Variants in PDE9A observed in about 807,000 individuals in gnomAD.
PDE9A encodes the protein phosphodiesterase 9A.
A neutral mutation model predicts 87.4 loss-of-function variants in PDE9A; 60 were observed. The observed-to-expected ratio is 0.69, with a 90% CI of 0.56 to 0.85. The LOEUF is 0.85. PDE9A is among the 40% of genes least tolerant of loss of function. PDE9A has a pLI of 0.00. For missense variants in PDE9A, 665 were observed against 779.0 expected (o/e 0.85, Z 1.74); for synonymous variants, 272 against 279.4 (o/e 0.97, Z 0.27).
At position 42,702,554 on chromosome 21, in the gene PDE9A, C is replaced by T. The variant is rs901008952; in HGVS notation, c.262+3543C>T. 5.3e-5 allele frequency among the ~76,000 whole-genome samples: 8 copies of T among 152,152 alleles called. No homozygotes were observed. Among genetic ancestry groups the T allele is most frequent in the African/African-American group, 9.7e-5 (4 of 41,428 alleles). Reference sequence around the variant, plus strand: ...ATGGAATGCTGATCACAGGAATGCACGCTGGTTCATCATCTGGTTTTGTTT... The same window carrying T: ...ATGGAATGCTGATCACAGGAATGCATGCTGGTTCATCATCTGGTTTTGTTT... On this transcript the variant is annotated intron_variant, in intron 4 of 19. Transcript: ENST00000291539. The surrounding 1 kb of genome is among the most constrained non-coding windows in gnomAD (Gnocchi z 4.9).
At chr21:42,756,478 T>C (rs1320093308) in intron 10 of PDE9A, among the ~76,000 whole-genome samples, 5 of 152,224 alleles carry the variant, frequency 3.3e-5, no homozygotes, top group Admixed American at 3.3e-4. Context: ...TTTGGCCCAG[T>C]GTCCTGCCCA....
At position 42,759,382 on chromosome 21, in the gene PDE9A, C is replaced by T. The variant is rs200551730; in HGVS notation, c.897+297C>T. 8.0e-5 allele frequency among the ~76,000 whole-genome samples: 12 copies of T among 149,190 alleles called. No individual in the cohort carries two copies. The highest frequency in any genetic ancestry group is 4.0e-4 in the Admixed American group (6 of 14,998). On this transcript the variant is annotated intron_variant, in intron 11 of 19. Transcript: ENST00000291539. This position sits in a 1 kb window ranked among gnomAD's most constrained non-coding sequence, Gnocchi z 7.2. ...GTCCTAAAGCAGCGGTGTGTGGGAG[C>T]GTGTGTGTGTGTGTGGGAGCGTGTG...
rs1411708790 is a variant in PDE9A, at chr21:42,659,187, C to T, written c.69+5304C>T. On this transcript the variant is annotated intron_variant, in intron 1 of 19. Coordinates refer to ENST00000291539, the MANE Select transcript of PDE9A (RefSeq NM_002606.3). The surrounding 1 kb of genome is among the most constrained non-coding windows in gnomAD (Gnocchi z 4.1). ...GGAGCTGCTGGCCTCCACACTCCTTCCCATTGGTGTGGTCCGAATTCCCCT... is the reference window on the plus strand; with the variant it reads ...GGAGCTGCTGGCCTCCACACTCCTTTCCATTGGTGTGGTCCGAATTCCCCT... Among the ~76,000 whole-genome samples, 1 of 152,220 alleles carries T rather than the reference C, an allele frequency of 6.6e-6. No homozygotes were observed. Among genetic ancestry groups the T allele is most frequent in the African/African-American group, 2.4e-5 (1 of 41,450 alleles).
At chr21:42,663,028 A>T (rs1242110289) in intron 1 of PDE9A, among the ~76,000 whole-genome samples, 3 of 147,978 alleles carry the variant, frequency 2.0e-5, no homozygotes, top group Non-Finnish European at 4.5e-5. Context: ...CGCACATATC[A>T]CACACATGCA....
At chr21:42,698,417 G>T (rs533432977) in intron 3 of PDE9A, among the ~76,000 whole-genome samples, 2 of 152,280 alleles carry the variant, frequency 1.3e-5, no homozygotes, top group African/African-American at 4.8e-5. Context: ...AGAGGCTGTC[G>T]TGTGTCAGCG....
intron 13 of PDE9A, 115 bp from the exon 14 acceptor site, chr21:42,761,968 C>A: frequency 1.9e-6 from 2 of 1,066,258 alleles, no homozygotes; most frequent in Non-Finnish European, 1.4e-6. Context: ...CCCCAGCCCC[C>A]ACGGCACCTT....
intron 1 of PDE9A, among the ~76,000 whole-genome samples, chr21:42,684,683 C>T (rs768134581): frequency 3.3e-5 from 5 of 152,190 alleles, no homozygotes; most frequent in Admixed American, 1.3e-4. Flanking sequence ...AAAGTGGGGG[C>T]TGCTGAAGGG....
At chr21:42,664,731 C>T in intron 1 of PDE9A, among the ~76,000 whole-genome samples, 1 of 152,232 alleles carries the variant, frequency 6.6e-6, no homozygotes. Context: ...CTGTAGCTCC[C>T]CCCATCACCA....
intron 10 of PDE9A, chr21:42,758,647 T>C (rs2055335135): frequency 4.2e-6 from 1 of 238,296 alleles, no homozygotes; most frequent in Non-Finnish European, 8.3e-6. Context: ...AATAAATTCC[T>C]TTTTGGTGCA....
intron 14 of PDE9A, among the ~76,000 whole-genome samples, chr21:42,764,062 G>A (rs952980991): frequency 1.3e-5 from 2 of 152,222 alleles, no homozygotes; most frequent in African/African-American, 4.8e-5. Context: ...GGCCTCTGCT[G>A]GCCTGTGCTG....
chr21:42,680,455 G>A (rs897797993), intron 1 of PDE9A, among the ~76,000 whole-genome samples: 2 of 152,222 alleles, frequency 1.3e-5, no homozygotes, highest in African/African-American at 4.8e-5. Flanking sequence ...ACTTGGAAGG[G>A]GTGATCTAGA....
At chr21:42,680,286 C>T (rs985235159) in intron 1 of PDE9A, among the ~76,000 whole-genome samples, 1 of 152,244 alleles carries the variant, frequency 6.6e-6, no homozygotes, top group African/African-American at 2.4e-5. Flanking sequence ...TGATTGGGAG[C>T]TAGCCAGCGG....
chr21:42,702,555 G>A lies in PDE9A; in HGVS notation c.262+3544G>A, dbSNP rs955634423. Among the ~76,000 whole-genome samples the A allele has an allele frequency of 1.3e-5, 2 of 152,156 alleles. No individual in the cohort carries two copies. The highest frequency in any genetic ancestry group is 4.8e-5 in the African/African-American group (2 of 41,434). Reference sequence around the variant, plus strand: ...TGGAATGCTGATCACAGGAATGCACGCTGGTTCATCATCTGGTTTTGTTTC... The same window carrying A: ...TGGAATGCTGATCACAGGAATGCACACTGGTTCATCATCTGGTTTTGTTTC... On this transcript the variant is annotated intron_variant, in intron 4 of 19. Transcript: ENST00000291539. This position sits in a 1 kb window ranked among gnomAD's most constrained non-coding sequence, Gnocchi z 4.9.
intron 1 of PDE9A, among the ~76,000 whole-genome samples, chr21:42,676,301 G>A (rs372818201): frequency 3.3e-5 from 5 of 152,166 alleles, no homozygotes; most frequent in Middle Eastern, 3.2e-3. Flanking sequence ...ACTTCTGCAC[G>A]ATGTTCTTGC....
At chr21:42,724,631 C>G (rs532974510) in intron 4 of PDE9A, 3 of 978,990 alleles carry the variant, frequency 3.1e-6, no homozygotes, top group South Asian at 9.5e-5. Flanking sequence ...TATATTCCAT[C>G]GGTGTAAGTA....
At chr21:42,662,997 C>T (rs2057689479) in intron 1 of PDE9A, among the ~76,000 whole-genome samples, 2 of 143,278 alleles carry the variant, frequency 1.4e-5, no homozygotes, top group South Asian at 4.6e-4. Context: ...ACACACACCA[C>T]ACACACGCAC....
At chr21:42,670,228 CTT>C (rs59835455) in intron 1 of PDE9A, among the ~76,000 whole-genome samples, 52,229 of 150,456 alleles carry the variant, frequency 0.35, 11,706 homozygotes, top group African/African-American at 0.65. Context: ...CACACATACA[CTT>C]ACATTCACAC....
chr21:42,770,352 G>A (rs1287137151), intron 17 of PDE9A, among the ~76,000 whole-genome samples: 1 of 152,064 alleles, frequency 6.6e-6, no homozygotes, highest in Non-Finnish European at 1.5e-5. Flanking sequence ...GCATCTCTTG[G>A]AGCCAACCCA....
chr21:42,737,167 G>A (rs912169610), intron 7 of PDE9A, among the ~76,000 whole-genome samples: 6 of 152,234 alleles, frequency 3.9e-5, no homozygotes, highest in African/African-American at 7.2e-5. Flanking sequence ...TGGGGAAGGC[G>A]GCCAGGAGCC....
Sources: gnomAD v4.1 joint callset for allele counts (sites outside exome capture counted in the v4.1 genomes callset) on GRCh38, gnomAD v4.1.1 for gene constraint, Gnocchi (gnomAD v3.1) non-coding constraint, MANE v1.5 for transcripts, NCBI Gene and HGNC (gene_info 2026-07-23, HGNC 2026-07-21) for gene names.